ABRACL: variants seen among roughly 807,000 people sequenced by gnomAD.
ABRACL encodes the protein ABRA C-terminal like.
ABRACL carries 4 observed loss-of-function variants against 7.0 expected under a neutral mutation model. The observed-to-expected ratio is 0.57, with a 90% confidence interval of 0.28 to 1.30. The LOEUF is 1.30. Ranked by LOEUF, ABRACL falls within the 50% of genes most tolerant of loss-of-function variation. ABRACL has a pLI of 0.10. For missense variants in ABRACL, 104 were observed against 97.3 expected (o/e 1.07, Z -0.29); for synonymous variants, 30 against 36.0 (o/e 0.83, Z 0.60).
At chr6:139,040,807 C>T (rs1353090125) in intron 2 of ABRACL, among the ~76,000 whole-genome samples, 5 of 152,188 alleles carry the variant, frequency 3.3e-5, no homozygotes, top group South Asian at 4.1e-4. Context: ...TCACGCTGGT[C>T]ACTGTTCCCC....
intron 2 of ABRACL, among the ~76,000 whole-genome samples, chr6:139,036,585 TAATA>T (rs2114307622): frequency 6.6e-6 from 1 of 152,336 alleles, no homozygotes; most frequent in South Asian, 2.1e-4. Flanking sequence ...TCATATCAGT[TAATA>T]CTTATTGAGT....
intron 2 of ABRACL, chr6:139,034,438 TTGAGA>T: frequency 6.7e-7 from 1 of 1,485,056 alleles, no homozygotes; most frequent in Non-Finnish European, 9.0e-7. Flanking sequence ...CAGGGAATAG[TTGAGA>T]TATTTCATTA....
At chr6:139,036,634 G>T (rs1582900413) in intron 2 of ABRACL, among the ~76,000 whole-genome samples, 1 of 152,094 alleles carries the variant, frequency 6.6e-6, no homozygotes, top group Admixed American at 6.5e-5. Context: ...AGTACAAGTG[G>T]TATAAAGTGT....
chr6:139,029,648 G>A (rs999244120), intron 1 of ABRACL, among the ~76,000 whole-genome samples: 1 of 152,142 alleles, frequency 6.6e-6, no homozygotes, highest in African/African-American at 2.4e-5. Flanking sequence ...ACCTCTACCA[G>A]GCAGAACCCC....
At chr6:139,039,798 A>T (rs1786217202) in intron 2 of ABRACL, among the ~76,000 whole-genome samples, 2 of 152,172 alleles carry the variant, frequency 1.3e-5, no homozygotes, top group African/African-American at 4.8e-5. Context: ...TTTATTTAGA[A>T]GGTCATAGGG....
chr6:139,034,032 A>G, intron 1 of ABRACL, 123 bp from the exon 2 acceptor site: 1 of 1,317,048 alleles, frequency 7.6e-7, no homozygotes, highest in Admixed American at 2.1e-5. Flanking sequence ...TATTTTTAGG[A>G]AAAGGAACAT....
chr6:139,042,344 C>A (rs1376672806), intron 2 of ABRACL, among the ~76,000 whole-genome samples: 1 of 152,172 alleles, frequency 6.6e-6, no homozygotes, highest in Non-Finnish European at 1.5e-5. Context: ...CTTAGAGAAA[C>A]ACTGCTCTTG....
chr6:139,039,918 G>A (rs1387148222), intron 2 of ABRACL, among the ~76,000 whole-genome samples: 1 of 151,950 alleles, frequency 6.6e-6, no homozygotes, highest in African/African-American at 2.4e-5. Flanking sequence ...TTGAGACCTC[G>A]TCTTTATTAA....
At position 139,043,261 on chromosome 6, in the gene ABRACL, TATG is replaced by T. The variant is rs1735250513; in HGVS notation, c.*362_*364del. 3 of 162,422 alleles carry T rather than the reference TATG, an allele frequency of 1.8e-5. No homozygotes were observed. Among genetic ancestry groups the T allele is most frequent in the Admixed American group, 6.4e-5 (1 of 15,708 alleles). The allele number at this position is 162,422 out of a possible 1,614,324, so 10.1% of individuals were successfully genotyped here. A position where few individuals can be genotyped will look rare whatever the true frequency, so the allele number is the denominator to read the frequency against. ...GAAGACCAACTCCTATGAGAAATAT[TATG>T]ATGTTTATGTAATAAAGACATGTAA... On this transcript the variant is annotated 3_prime_UTR_variant, in exon 3 of 3. Coordinates refer to ENST00000367660, the MANE Select transcript of ABRACL (RefSeq NM_021243.3).
chr6:139,038,936 A>G (rs753190243), intron 2 of ABRACL, among the ~76,000 whole-genome samples: 49 of 152,230 alleles, frequency 3.2e-4, no homozygotes, highest in Middle Eastern at 3.2e-3. Context: ...AAAAATCTCT[A>G]AAATAGGCCA....
At chr6:139,031,258 G>T (rs1786077840) in intron 1 of ABRACL, among the ~76,000 whole-genome samples, 1 of 152,136 alleles carries the variant, frequency 6.6e-6, no homozygotes, top group Non-Finnish European at 1.5e-5. Flanking sequence ...TAGGAACAGG[G>T]TGCAAACTTT....
intron 2 of ABRACL, 190 bp downstream of exon 2, chr6:139,034,411 G>T: frequency 6.5e-7 from 1 of 1,533,796 alleles, no homozygotes; most frequent in Non-Finnish European, 8.8e-7. Flanking sequence ...GGCTTTTGGG[G>T]TATTGTGATT....
chr6:139,042,841 C>T lies in ABRACL; in HGVS notation c.184C>T (p.Pro62Ser), dbSNP rs1786273148. ...AAAACGAAGGAAGATTGTAACATAT[C>T]CAGGAGAGCTGCTTCTGCAAGGTGT... is the stretch of plus-strand genomic sequence containing the variant. ...AAKRRKIVTY[P>S]GELLLQGVHD... Residue 62 changes from proline to serine, a missense_variant, in exon 3 of 3, where the codon CCA (proline) becomes TCA (serine). Transcript: ENST00000367660. 1.2e-6 allele frequency: 2 copies of T among 1,613,802 alleles called. No individual in the cohort carries two copies. The highest frequency in any genetic ancestry group is 2.7e-5 in the African/African-American group (2 of 74,922).
At chr6:139,041,493 ATGTG>A (rs770093258) in intron 2 of ABRACL, among the ~76,000 whole-genome samples, 6 of 122,476 alleles carry the variant, frequency 4.9e-5, no homozygotes, top group Admixed American at 1.9e-4. Flanking sequence ...ATATATATAT[ATGTG>A]TGTGTGTGTG....
At chr6:139,038,257 C>A (rs1177481885) in intron 2 of ABRACL, among the ~76,000 whole-genome samples, 1 of 152,202 alleles carries the variant, frequency 6.6e-6, no homozygotes, top group Non-Finnish European at 1.5e-5. Flanking sequence ...AACTGAAATT[C>A]CACTTCAAAA....
chr6:139,036,763 C>T (rs188819325), intron 2 of ABRACL, among the ~76,000 whole-genome samples: 44 of 152,136 alleles, frequency 2.9e-4, no homozygotes, highest in East Asian at 9.7e-4. Context: ...GTGGGAGGAT[C>T]GCTTAAGCCC....
intron 1 of ABRACL, among the ~76,000 whole-genome samples, chr6:139,033,591 G>A (rs1209444832): frequency 6.6e-6 from 1 of 152,146 alleles, no homozygotes; most frequent in Non-Finnish European, 1.5e-5. Context: ...CTTTGTGTAT[G>A]CACTTCCTCC....
intron 2 of ABRACL, among the ~76,000 whole-genome samples, chr6:139,035,044 T>C (rs1475671411): frequency 1.3e-5 from 2 of 152,162 alleles, no homozygotes; most frequent in Non-Finnish European, 2.9e-5. Context: ...TGAAAAACAG[T>C]TCTAGAAAGT....
chr6:139,041,491 A>ATGTGTG (rs1165991838), intron 2 of ABRACL, among the ~76,000 whole-genome samples: 2 of 63,352 alleles, frequency 3.2e-5, no homozygotes, highest in East Asian at 1.4e-3. Flanking sequence ...CTATATATAT[A>ATGTGTG]TATGTGTGTG....
Sources: gnomAD v4.1 joint callset for allele counts (sites outside exome capture counted in the v4.1 genomes callset) on GRCh38, gnomAD v4.1.1 for gene constraint, MANE v1.5 for transcripts, NCBI Gene and HGNC (gene_info 2026-07-23, HGNC 2026-07-21) for gene names.